Variants in SLIT3 observed in about 807,000 individuals in gnomAD.
SLIT3 encodes slit guidance ligand 3.
In SLIT3, 68 loss-of-function variants were observed where a neutral mutation model predicts 184.0. That is an observed-to-expected ratio of 0.37 (90% CI 0.30 to 0.45). SLIT3 has a LOEUF of 0.45. Among genes scored for constraint, SLIT3 ranks in the 20% least tolerant of loss-of-function variants. SLIT3 has a pLI of 1.00. For synonymous variants in SLIT3, 831 were observed against 828.6 expected, an observed-to-expected ratio of 1.00 and a Z score of -0.05; for missense variants, 1,707 against 2,026.0, an observed-to-expected ratio of 0.84 and a Z score of 3.02.
chr5:168,804,604 C>T (rs1189631323), intron 9 of SLIT3, among the ~76,000 whole-genome samples: 1 of 152,058 alleles, frequency 6.6e-6, no homozygotes, highest in African/African-American at 2.4e-5. Context: ...GGTGGAGGGC[C>T]GCAGAAGGCG....
At chr5:169,026,600 G>A (rs970019709) in intron 4 of SLIT3, 6 of 152,130 alleles carry the variant, frequency 3.9e-5, no homozygotes, top group Non-Finnish European at 5.9e-5. Context: ...AAAAAAATCA[G>A]CCTACAAAAC....
At chr5:169,266,952 G>A (rs1037728616) in intron 1 of SLIT3, among the ~76,000 whole-genome samples, 3 of 152,076 alleles carry the variant, frequency 2.0e-5, no homozygotes, top group South Asian at 2.1e-4. Context: ...ACTTAACTCC[G>A]GTCAATAGAG....
At chr5:168,863,270 A>C (rs1759177386) in intron 5 of SLIT3, among the ~76,000 whole-genome samples, 1 of 152,252 alleles carries the variant, frequency 6.6e-6, no homozygotes, top group African/African-American at 2.4e-5. Context: ...AGAAGCAAGC[A>C]AACATTTATG....
intron 4 of SLIT3, among the ~76,000 whole-genome samples, chr5:168,957,678 C>G (rs796963408): frequency 2.6e-5 from 4 of 152,294 alleles, no homozygotes; most frequent in African/African-American, 9.6e-5. Flanking sequence ...CTTCCAGGCC[C>G]CACCCCTACA....
chr5:168,759,021 T>C (rs907485644), intron 16 of SLIT3, among the ~76,000 whole-genome samples: 2 of 152,200 alleles, frequency 1.3e-5, no homozygotes, highest in African/African-American at 4.8e-5. Flanking sequence ...GTATATGGTG[T>C]ACATGAAACA....
intron 3 of SLIT3, among the ~76,000 whole-genome samples, chr5:169,229,103 A>G (rs933671494): frequency 2.6e-5 from 4 of 152,190 alleles, no homozygotes; most frequent in African/African-American, 9.7e-5. Flanking sequence ...AGACAGAGAG[A>G]GAGAGAGGGA....
At chr5:168,712,176 C>T in intron 24 of SLIT3, 107 bp downstream of exon 24, 1 of 906,482 alleles carries the variant, frequency 1.1e-6, no homozygotes, top group Non-Finnish European at 1.8e-6. Flanking sequence ...ATACTGTATG[C>T]ATAAGGAAAG....
At chr5:169,154,902 A>C (rs896833756) in intron 4 of SLIT3, among the ~76,000 whole-genome samples, 1 of 152,216 alleles carries the variant, frequency 6.6e-6, no homozygotes, top group African/African-American at 2.4e-5. Context: ...GGCTTTTCCA[A>C]ATTAACCTTC....
chr5:169,299,653 C>CA (rs1195472614), intron 1 of SLIT3, among the ~76,000 whole-genome samples: 1 of 152,068 alleles, frequency 6.6e-6, no homozygotes, highest in Non-Finnish European at 1.5e-5. Context: ...GTCCGAGGAT[C>CA]AAAATGATAA....
Position 168,708,040 on chromosome 5 carries a change from T to C in SLIT3, c.2780A>G (p.Asn927Ser). ...CNACLSSPCK[N>S]NGTCTQDPVE... ...AGGGTCCTGGGTGCATGTCCCGTTATTCTTGCACGGGCTGGAGAGGCAGGC... is the reference window on the plus strand; with the variant it reads ...AGGGTCCTGGGTGCATGTCCCGTTACTCTTGCACGGGCTGGAGAGGCAGGC... The change falls in exon 26 of 36, where the codon AAT (asparagine) becomes AGT (serine). Residue 927 changes from asparagine (N) to serine (S), a missense_variant. By Grantham distance (46) the Asn-to-Ser change is conservative. This residue lies in a region of SLIT3 where 1,307 missense variants were observed against 1,511.6 expected (regional missense o/e 0.86). Transcript: ENST00000519560. The C allele has an allele frequency of 6.2e-7, 1 of 1,614,198 alleles. No individual in the cohort carries two copies. The highest frequency in any genetic ancestry group is 8.5e-7 in the Non-Finnish European group (1 of 1,180,028).
At chr5:169,227,242 A>G (rs1186114538) in intron 3 of SLIT3, among the ~76,000 whole-genome samples, 1 of 152,184 alleles carries the variant, frequency 6.6e-6, no homozygotes, top group Non-Finnish European at 1.5e-5. Context: ...CTTGGACAAG[A>G]TTTATATACT....
rs575633069 is a variant in SLIT3 at position 168,736,700 on chromosome 5, C to T, written c.2270+11602G>A. 2.7e-3 allele frequency among the ~76,000 whole-genome samples: 406 copies of T among 151,980 alleles called. 3 individuals are homozygous for T. The highest frequency in any genetic ancestry group is 5.0e-3 in the Non-Finnish European group (340 of 67,982). ...GGCTTGCCTCCTCCCTGCTGCAATG[C>T]AGAGTGCCTGGGCTTGCCTCCTCCC... On this transcript the variant is annotated intron_variant, in intron 20 of 35. Coordinates refer to ENST00000519560, the MANE Select transcript of SLIT3 (RefSeq NM_003062.4).
chr5:169,205,318 G>A lies in SLIT3; in HGVS notation c.342-11768C>T, dbSNP rs1764033572. Among the ~76,000 whole-genome samples the A allele has an allele frequency of 3.9e-5, 6 of 152,152 alleles. No individual in the cohort carries two copies. In the South Asian group the frequency reaches 1.2e-3, roughly 32 times the overall value. ...CTCCATCAACAGAATCAGTGGGTTGGATGAGATGAGTCCTAAGATGACCTA... is the reference window on the plus strand; with the variant it reads ...CTCCATCAACAGAATCAGTGGGTTGAATGAGATGAGTCCTAAGATGACCTA... On this transcript the variant is annotated intron_variant, in intron 3 of 35. Transcript: ENST00000519560.
chr5:168,813,357 G>C (rs1203618799), intron 8 of SLIT3, among the ~76,000 whole-genome samples: 1 of 148,536 alleles, frequency 6.7e-6, no homozygotes, highest in African/African-American at 2.5e-5. Flanking sequence ...CATGTAACAT[G>C]AACTTCTTCT....
intron 5 of SLIT3, chr5:168,844,896 A>ATTTTTT (rs34420406): frequency 1.7e-5 from 4 of 230,972 alleles, no homozygotes; most frequent in African/African-American, 3.0e-5. Context: ...TTAATTGCGC[A>ATTTTTT]TTTTTTTTTT....
intron 4 of SLIT3, among the ~76,000 whole-genome samples, chr5:168,946,132 G>C (rs1762475573): frequency 6.6e-6 from 1 of 152,318 alleles, no homozygotes; most frequent in African/African-American, 2.4e-5. Context: ...TTACCTGGCT[G>C]GTTTTCAATG....
intron 4 of SLIT3, among the ~76,000 whole-genome samples, chr5:169,100,813 GAGGCTGACTCATT>G (rs1360633077): frequency 6.6e-6 from 1 of 152,210 alleles, no homozygotes; most frequent in Admixed American, 6.5e-5. Flanking sequence ...CAGGGTTTAA[GAGGCTGACTCATT>G]AGGGTTCTCT....
At chr5:169,012,025 A>G (rs1047396386) in intron 4 of SLIT3, 1 of 150,622 alleles carries the variant, frequency 6.6e-6, no homozygotes, top group Non-Finnish European at 1.5e-5. Context: ...TTATAACTTG[A>G]TATGTTATAA....
At chr5:168,677,708 C>T (rs754043417) in intron 32 of SLIT3, among the ~76,000 whole-genome samples, 11 of 152,242 alleles carry the variant, frequency 7.2e-5, no homozygotes, top group Non-Finnish European at 1.3e-4. Flanking sequence ...CTTGACCTCC[C>T]AAAGTGTTGG....
Sources: gnomAD v4.1 joint callset for allele counts (sites outside exome capture counted in the v4.1 genomes callset) on GRCh38, gnomAD v4.1.1 for gene constraint, gnomAD v4.1.1 regional missense constraint, MANE v1.5 for transcripts, NCBI Gene and HGNC (gene_info 2026-07-23, HGNC 2026-07-21) for gene names.